Variants in IQCM observed in about 807,000 individuals in gnomAD.
The protein encoded by IQCM is IQ domain-containing protein M.
In IQCM, 45 loss-of-function variants were observed where a neutral mutation model predicts 57.6. The observed-to-expected ratio is 0.78, with a 90% CI of 0.62 to 1.00. IQCM has a LOEUF of 1.00. IQCM is among the 50% of genes least tolerant of loss of function. The probability of loss-of-function intolerance (pLI) is 0.00; values close to 1 mark genes in which losing one functional copy is unlikely to be tolerated. For missense variants in IQCM, 468 were observed against 511.6 expected (o/e 0.91, Z 0.82); for synonymous variants, 148 against 158.9 (o/e 0.93, Z 0.51).
chr4:149,592,639 G>A (rs1371245472), intron 8 of IQCM, among the ~76,000 whole-genome samples: 1 of 149,448 alleles, frequency 6.7e-6, no homozygotes, highest in East Asian at 2.0e-4. Flanking sequence ...TTTGTATAAG[G>A]TGTAAGGAAG....
At chr4:149,701,589 T>C (rs891562659) in intron 5 of IQCM, among the ~76,000 whole-genome samples, 1 of 152,068 alleles carries the variant, frequency 6.6e-6, no homozygotes, top group African/African-American at 2.4e-5. Flanking sequence ...AGCAGTGCTA[T>C]GCAATGTGTC....
At chr4:149,416,676 G>A (rs1441782926) in intron 13 of IQCM, among the ~76,000 whole-genome samples, 2 of 152,112 alleles carry the variant, frequency 1.3e-5, no homozygotes, top group Non-Finnish European at 2.9e-5. Context: ...TTCATGAACA[G>A]AGAAATGATA....
At chr4:149,582,394 T>A in intron 9 of IQCM, among the ~76,000 whole-genome samples, 1 of 111,986 alleles carries the variant, frequency 8.9e-6, no homozygotes, top group South Asian at 2.5e-4. Flanking sequence ...CTGAGGGGCT[T>A]AATCAGAAAA....
At chr4:149,353,895 G>A (rs1361006079) in intron 13 of IQCM, among the ~76,000 whole-genome samples, 1 of 152,052 alleles carries the variant, frequency 6.6e-6, no homozygotes, top group Non-Finnish European at 1.5e-5. Context: ...CAATTGTACC[G>A]TATTTGGGAT....
Position 149,548,508 on chromosome 4 carries a change from CCA to C in IQCM, c.1173_1174del (p.Cys391TrpfsTer10). 2 of 1,231,762 alleles carry C rather than the reference CCA, an allele frequency of 1.6e-6. No homozygotes were observed. Among genetic ancestry groups the C allele is most frequent in the Non-Finnish European group, 2.0e-6 (2 of 987,688 alleles). The allele number at this position is 1,231,762 out of a possible 1,614,324, so 76.3% of individuals were successfully genotyped here. ...AACTTGTTTCTGAGTTGGGAAATGA[CCA>C]CAGTCACTGAAGAAATTGGGGAGCT... On this transcript the variant is annotated frameshift_variant, in exon 12 of 14. Coordinates refer to ENST00000636793, the MANE Select transcript of IQCM (RefSeq NM_001363507.2). LOFTEE classifies it high-confidence loss of function.
intron 13 of IQCM, among the ~76,000 whole-genome samples, chr4:149,385,024 T>C (rs1484067945): frequency 6.6e-6 from 1 of 151,990 alleles, no homozygotes; most frequent in Admixed American, 6.6e-5. Flanking sequence ...GCTACATGTA[T>C]TGAGGTGATG....
At chr4:149,468,890 C>T (rs946942395) in intron 12 of IQCM, among the ~76,000 whole-genome samples, 1 of 152,208 alleles carries the variant, frequency 6.6e-6, no homozygotes, top group African/African-American at 2.4e-5. Context: ...CAGCAATCTC[C>T]AACAGACCTG....
At chr4:149,441,910 G>T (rs1369825564) in intron 12 of IQCM, among the ~76,000 whole-genome samples, 1 of 152,110 alleles carries the variant, frequency 6.6e-6, no homozygotes, top group Non-Finnish European at 1.5e-5. Flanking sequence ...AATGCCCTAG[G>T]TTCAGCCCTT....
intron 13 of IQCM, among the ~76,000 whole-genome samples, chr4:149,379,668 A>T (rs1413295412): frequency 6.6e-6 from 1 of 152,208 alleles, no homozygotes; most frequent in East Asian, 1.9e-4. Context: ...ACAGGCTCAC[A>T]GGTGGAAGGG....
intron 12 of IQCM, among the ~76,000 whole-genome samples, chr4:149,545,895 C>A (rs541652230): frequency 6.6e-6 from 1 of 151,848 alleles, no homozygotes; most frequent in Non-Finnish European, 1.5e-5. Flanking sequence ...TGTATACATA[C>A]GCCATGTTGG....
chr4:149,518,452 G>C (rs780357101), intron 12 of IQCM, among the ~76,000 whole-genome samples: 8 of 152,096 alleles, frequency 5.3e-5, no homozygotes, highest in Middle Eastern at 3.2e-3. Flanking sequence ...TATAATAAAA[G>C]CTCCCCAGAA....
chr4:149,554,685 A>T (rs1170707808), intron 10 of IQCM, among the ~76,000 whole-genome samples: 3 of 129,980 alleles, frequency 2.3e-5, no homozygotes, highest in African/African-American at 8.6e-5. Context: ...TTACACATTA[A>T]TTTTTTCTTT....
intron 12 of IQCM, among the ~76,000 whole-genome samples, chr4:149,442,925 TACACACACAC>T (rs373865453): frequency 7.5e-6 from 1 of 133,176 alleles, no homozygotes; most frequent in South Asian, 2.7e-4. Context: ...TATCTCTCAA[TACACACACAC>T]ACACACACAC....
intron 13 of IQCM, among the ~76,000 whole-genome samples, chr4:149,380,765 G>A (rs1731023340): frequency 6.6e-6 from 1 of 152,114 alleles, no homozygotes; most frequent in African/African-American, 2.4e-5. Context: ...AGGAAAGAGA[G>A]GGAGAGAGAG....
At chr4:149,355,527 AATG>A (rs1728907768) in intron 13 of IQCM, among the ~76,000 whole-genome samples, 1 of 151,752 alleles carries the variant, frequency 6.6e-6, no homozygotes, top group South Asian at 2.1e-4. Context: ...GTTTGCTGAG[AATG>A]ATGGTTTCCA....
intron 12 of IQCM, among the ~76,000 whole-genome samples, chr4:149,481,696 G>GTTTTTTTTTTTTTTTTTTT (rs1197852884): frequency 8.6e-4 from 29 of 33,602 alleles, no homozygotes; most frequent in Admixed American, 1.4e-3. Context: ...GATTCTTCCA[G>GTTTTTTTTTTTTTTTTTTT]TTTTGTTTTT....
intron 7 of IQCM, among the ~76,000 whole-genome samples, chr4:149,655,530 T>G (rs1300240159): frequency 1.3e-5 from 2 of 152,158 alleles, no homozygotes; most frequent in Non-Finnish European, 2.9e-5. Context: ...ATGAAATATC[T>G]ATTAATGTGA....
chr4:149,525,561 T>C (rs1298866670), intron 12 of IQCM, among the ~76,000 whole-genome samples: 3 of 151,918 alleles, frequency 2.0e-5, no homozygotes, highest in Non-Finnish European at 1.5e-5. Context: ...GATATTGATA[T>C]ACACAAATAT....
intron 13 of IQCM, among the ~76,000 whole-genome samples, chr4:149,419,056 C>T (rs1733948298): frequency 6.6e-6 from 1 of 152,090 alleles, no homozygotes; most frequent in South Asian, 2.1e-4. Context: ...ATGAAAGTGG[C>T]CATACTGCCC....
Sources: allele counts gnomAD v4.1 joint callset (sites outside exome capture counted in the v4.1 genomes callset), GRCh38; gene constraint gnomAD v4.1.1; transcripts MANE v1.5; gene names NCBI Gene and HGNC (gene_info 2026-07-23, HGNC 2026-07-21).